ABCC9: variants seen among roughly 807,000 people sequenced by gnomAD.
The protein encoded by ABCC9 is ATP-binding cassette sub-family C member 9.
A neutral mutation model predicts 188.3 loss-of-function variants in ABCC9; 95 were observed. The ratio of observed to expected loss-of-function variants is 0.50; its 90% CI spans 0.43 to 0.60. ABCC9 has a LOEUF of 0.60. Ranked by LOEUF, ABCC9 falls within the 20% of genes least tolerant of loss-of-function variation. ABCC9 has a pLI of 0.00. For missense variants in ABCC9, 1,102 were observed against 1,876.3 expected (o/e 0.59, Z 7.62); for synonymous variants, 659 against 652.7 (o/e 1.01, Z -0.15).
intron 14 of ABCC9, among the ~76,000 whole-genome samples, chr12:21,888,696 C>G (rs1380954588): frequency 1.3e-5 from 2 of 152,136 alleles, no homozygotes; most frequent in African/African-American, 4.8e-5. Context: ...CCTCCTTAGG[C>G]TGGGCACAAG....
intron 16 of ABCC9, among the ~76,000 whole-genome samples, chr12:21,882,478 A>C (rs1213530669): frequency 6.6e-6 from 1 of 152,214 alleles, no homozygotes; most frequent in African/African-American, 2.4e-5. Flanking sequence ...TGGTTGATAA[A>C]CATAGGAATA....
intron 13 of ABCC9, 110 bp downstream of exon 13, chr12:21,895,165 G>C: frequency 2.2e-6 from 2 of 921,806 alleles, no homozygotes; most frequent in South Asian, 2.9e-5. Context: ...GCCATAGAGA[G>C]AAGTCACAGA....
intron 15 of ABCC9, among the ~76,000 whole-genome samples, chr12:21,883,557 G>A (rs1375653185): frequency 6.6e-6 from 1 of 152,144 alleles, no homozygotes; most frequent in Non-Finnish European, 1.5e-5. Context: ...TTTATTAGCA[G>A]TGTGAGAATA....
At chr12:21,940,140 T>G (rs902885561) in intron 2 of ABCC9, among the ~76,000 whole-genome samples, 7 of 152,236 alleles carry the variant, frequency 4.6e-5, no homozygotes, top group African/African-American at 1.7e-4. Flanking sequence ...AAAACTTGTC[T>G]TCCTTCCTGT....
chr12:21,841,347 CTTTTTTTTTTTTT>C (rs1174314931), intron 29 of ABCC9, among the ~76,000 whole-genome samples: 97 of 19,594 alleles, frequency 5.0e-3, no homozygotes, highest in African/African-American at 0.024. Context: ...TTCTGGTTTC[CTTTTTTTTTTTTT>C]TTTTTTTTTT....
rs200819464 is a variant in ABCC9, at chr12:21,908,158, G to A, written c.1374C>T (p.Val458=). The A allele has an allele frequency of 4.3e-5, 70 of 1,612,584 alleles. No individual in the cohort carries two copies. In the East Asian group the frequency reaches 5.8e-4, roughly 13 times the overall value. ...CAAGGAGCACAATGACAGCTGCACC[G>A]ACCAATGCACTTGATCCAAGTAAAT... The part of the protein sequence containing the change: ...LYNLLGSSAL[V]GAAVIVLLAP... Residue 458 remains valine, a synonymous_variant, in exon 11 of 40, where the codon GTC becomes GTT. Coordinates refer to ENST00000261200, the MANE Select transcript of ABCC9 (RefSeq NM_020297.4).
At chr12:21,839,839 C>T (rs1944289792) in intron 29 of ABCC9, among the ~76,000 whole-genome samples, 2 of 152,130 alleles carry the variant, frequency 1.3e-5, no homozygotes, top group Admixed American at 1.3e-4. Context: ...AATGGAGTTT[C>T]TAAAATGGAT....
intron 24 of ABCC9, among the ~76,000 whole-genome samples, chr12:21,849,516 A>C (rs1277692485): frequency 6.6e-6 from 1 of 152,172 alleles, no homozygotes; most frequent in African/African-American, 2.4e-5. Context: ...GAAATAAAAT[A>C]AACCTTCATA....
chr12:21,941,241 G>A lies in ABCC9; in HGVS notation c.-178C>T, dbSNP rs1591768014. 6.6e-6 allele frequency: 1 copy of A among 152,330 alleles called. No individual in the cohort carries two copies. Among genetic ancestry groups the A allele is most frequent in the Admixed American group, 6.5e-5 (1 of 15,292 alleles). The allele number at this position is 152,330 out of a possible 1,614,324, so 9.4% of individuals were successfully genotyped here. A position where few individuals can be genotyped will look rare whatever the true frequency, so the allele number is the denominator to read the frequency against. On this transcript the variant is annotated 5_prime_UTR_variant, in exon 1 of 40. Transcript: ENST00000261200. This position sits in a 1 kb window ranked among gnomAD's most constrained non-coding sequence, Gnocchi z 5.4. ...CTCCCCTAGGCGAAGCACGCAGTGC[G>A]CCGGAACGGATTATTTTTAGGGTGG...
chr12:21,935,535 A>G (rs1475811351), intron 3 of ABCC9, among the ~76,000 whole-genome samples: 2 of 152,166 alleles, frequency 1.3e-5, no homozygotes, highest in East Asian at 3.8e-4. Context: ...AAAGTAGATC[A>G]TTAAATTTTG....
At chr12:21,883,908 T>C (rs1424907722) in intron 15 of ABCC9, among the ~76,000 whole-genome samples, 1 of 152,094 alleles carries the variant, frequency 6.6e-6, no homozygotes, top group Non-Finnish European at 1.5e-5. Flanking sequence ...GTAAGTCATA[T>C]CTAGAAATTT....
chr12:21,845,517 T>G, intron 26 of ABCC9, 86 bp downstream of exon 26: 1 of 1,016,546 alleles, frequency 9.8e-7, no homozygotes, highest in Admixed American at 1.9e-5. Context: ...GCATTTGGGA[T>G]ATAAGCATCT....
intron 16 of ABCC9, among the ~76,000 whole-genome samples, chr12:21,881,721 C>CACAA (rs1405563000): frequency 1.3e-5 from 2 of 151,486 alleles, no homozygotes; most frequent in African/African-American, 2.4e-5. Flanking sequence ...CACACACACA[C>CACAA]ACACACACAC....
chr12:21,908,627 T>C (rs1470247491), intron 10 of ABCC9, among the ~76,000 whole-genome samples: 1 of 151,962 alleles, frequency 6.6e-6, no homozygotes, highest in Non-Finnish European at 1.5e-5. Context: ...GGAATTGTAC[T>C]AGCTTTTCAA....
chr12:21,852,425 G>T lies in ABCC9; in HGVS notation c.2586C>A (p.Asp862Glu), dbSNP rs768765531. 1.2e-6 allele frequency: 2 copies of T among 1,613,720 alleles called. No homozygotes were observed. Among genetic ancestry groups the T allele is most frequent in the African/African-American group, 2.7e-5 (2 of 74,886 alleles). The part of the protein sequence containing the change: ...QEGILKFLQD[D>E]KRTLVLVTHK... ...GAGTCACAAGAACGAGTGTCCTTTTGTCATCTTGCAGGAATTTCAAAATCC... is the reference window on the plus strand; with the variant it reads ...GAGTCACAAGAACGAGTGTCCTTTTTTCATCTTGCAGGAATTTCAAAATCC... The change falls in exon 23 of 40, where the codon GAC becomes GAA. Residue 862 changes from aspartate (D) to glutamate (E), a missense_variant. By Grantham distance (45) the Asp-to-Glu change is conservative (BLOSUM62 2). Coordinates refer to ENST00000261200, the MANE Select transcript of ABCC9 (RefSeq NM_020297.4).
At chr12:21,807,140 G>T (rs1315711989) in intron 38 of ABCC9, among the ~76,000 whole-genome samples, 1 of 152,124 alleles carries the variant, frequency 6.6e-6, no homozygotes, top group Non-Finnish European at 1.5e-5. Context: ...ATGTTGATTG[G>T]TGATAGGAAT....
rs577184914 is a variant in ABCC9, at chr12:21,840,414, ATCC to A, written c.3473+1897_3473+1899del. ...TCAATATTAATTCTTTAAAATAACC[ATCC>A]TCTCCATACTTTAGTCTCTAATAGA... is the stretch of plus-strand genomic sequence containing the variant. On this transcript the variant is annotated intron_variant, in intron 29 of 39. Transcript: ENST00000261200. 7.4e-4 allele frequency among the ~76,000 whole-genome samples: 112 copies of A among 152,342 alleles called. 1 individual carries two copies. Among genetic ancestry groups the A allele is most frequent in the African/African-American group, 2.4e-3 (101 of 41,578 alleles).
At chr12:21,892,681 A>G (rs960067807) in intron 14 of ABCC9, among the ~76,000 whole-genome samples, 2 of 152,210 alleles carry the variant, frequency 1.3e-5, no homozygotes, top group Admixed American at 6.5e-5. Flanking sequence ...CTTTGAAACT[A>G]TGTTACACTA....
intron 31 of ABCC9, among the ~76,000 whole-genome samples, chr12:21,819,840 A>G (rs961759307): frequency 6.6e-6 from 1 of 152,226 alleles, no homozygotes. Context: ...AAAAAATCAC[A>G]TAGAGTTAAT....
Sources: allele counts gnomAD v4.1 joint callset (sites outside exome capture counted in the v4.1 genomes callset), GRCh38; gene constraint gnomAD v4.1.1; non-coding constraint Gnocchi (gnomAD v3.1); transcripts MANE v1.5; gene names NCBI Gene and HGNC (gene_info 2026-07-23, HGNC 2026-07-21).